The following COL14A1 variants were observed in gnomAD, a reference collection of about 807,000 sequenced individuals.
The protein encoded by COL14A1 is collagen type XIV alpha 1 chain.
In COL14A1, 136 loss-of-function variants were observed where a neutral mutation model predicts 230.3. The observed-to-expected ratio is 0.59, with a 90% CI of 0.51 to 0.68. The LOEUF is 0.68. Ranked by LOEUF, COL14A1 falls within the 30% of genes least tolerant of loss-of-function variation. COL14A1 has a pLI of 0.00. For synonymous variants in COL14A1, 792 were observed against 784.1 expected (o/e 1.01, Z -0.17); for missense variants, 1,976 against 2,215.8 (o/e 0.89, Z 2.17).
Position 120,152,086 on chromosome 8 carries a change from GA to G in COL14A1, c.88+4158del, listed in dbSNP as rs140583536. Among the ~76,000 whole-genome samples the G allele has an allele frequency of 4.0e-3, 610 of 152,172 alleles. 3 individuals carry two copies. Among genetic ancestry groups the G allele is most frequent in the Non-Finnish European group, 5.3e-3 (357 of 68,000 alleles). On this transcript the variant is annotated intron_variant, in intron 2 of 47. Transcript: ENST00000297848. The stretch of plus-strand genomic sequence containing the variant: ...ATTGATTTCAAACTTCTGACCCCTA[GA>G]ACTGTAAGATAGTACATGTCTGTTG...
chr8:120,341,032 A>G (rs1822276196), intron 42 of COL14A1, among the ~76,000 whole-genome samples: 1 of 152,210 alleles, frequency 6.6e-6, no homozygotes, highest in African/African-American at 2.4e-5. Flanking sequence ...AAGGACCTAC[A>G]CAGTGAAAAT....
At chr8:120,291,227 G>C (rs1344785979) in intron 34 of COL14A1, among the ~76,000 whole-genome samples, 1 of 152,052 alleles carries the variant, frequency 6.6e-6, no homozygotes, top group Admixed American at 6.6e-5. Flanking sequence ...TGGATATATA[G>C]ATGGATACTT....
At chr8:120,155,070 A>G (rs1207842250) in intron 2 of COL14A1, among the ~76,000 whole-genome samples, 1 of 152,168 alleles carries the variant, frequency 6.6e-6, no homozygotes, top group East Asian at 1.9e-4. Flanking sequence ...AAAAACCTAA[A>G]GAAAATGTGT....
chr8:120,304,117 G>T (rs745624115), intron 36 of COL14A1, among the ~76,000 whole-genome samples: 3 of 151,884 alleles, frequency 2.0e-5, no homozygotes, highest in Non-Finnish European at 4.4e-5. Flanking sequence ...GTATTTATTT[G>T]GATCTTCTTT....
chr8:120,209,515 A>T (rs1817554902), intron 11 of COL14A1, among the ~76,000 whole-genome samples: 1 of 152,176 alleles, frequency 6.6e-6, no homozygotes, highest in Non-Finnish European at 1.5e-5. Flanking sequence ...CAAAGTCCTG[A>T]ACTTGACACT....
At chr8:120,343,981 A>G (rs1822408409) in intron 44 of COL14A1, among the ~76,000 whole-genome samples, 1 of 152,202 alleles carries the variant, frequency 6.6e-6, no homozygotes, top group Non-Finnish European at 1.5e-5. Context: ...TCATGTGTAA[A>G]TATCTGATTA....
chr8:120,276,770 C>T (rs1052303659), intron 26 of COL14A1, among the ~76,000 whole-genome samples: 21 of 151,470 alleles, frequency 1.4e-4, no homozygotes, highest in Non-Finnish European at 2.5e-4. Flanking sequence ...ACCAACATGG[C>T]ACATGTATAC....
intron 22 of COL14A1, among the ~76,000 whole-genome samples, chr8:120,251,131 C>T (rs529027905): frequency 1.4e-4 from 21 of 152,216 alleles, no homozygotes; most frequent in African/African-American, 4.8e-4. Context: ...TCCATTTGGT[C>T]ATTCATTTTT....
chr8:120,224,435 G>A (rs531500661), intron 14 of COL14A1, among the ~76,000 whole-genome samples: 219 of 152,252 alleles, frequency 1.4e-3, no homozygotes, highest in Non-Finnish European at 2.7e-3. Flanking sequence ...TGTTGCTCCC[G>A]TGAAGCCCAA....
rs1480662195 is a variant in COL14A1 at position 120,208,281 on chromosome 8, C to A, written c.1241C>A (p.Ser414Tyr). 3.1e-6 allele frequency: 5 copies of A among 1,613,648 alleles called. No individual in the cohort carries two copies. In the East Asian group the frequency reaches 8.9e-5, roughly 29 times the overall value. The part of the protein sequence containing the change: ...VSSTVLKNLM[S>Y]LTEYQIAVFA... ...TCCACAGTGTTGAAAAACTTGATGT[C>A]TTTAACTGAATATCAGATAGCAGTC... The change falls in exon 11 of 48, where the codon TCT becomes TAT. Residue 414 changes from serine to tyrosine, a missense_variant. Ser to Tyr is a moderately radical substitution (Grantham distance 144). Around this residue, in one of 3 missense-constraint regions of COL14A1, gnomAD observed 1,791 missense variants for 2,019.5 expected, o/e 0.89. Transcript: ENST00000297848.
chr8:120,310,158 T>C, intron 37 of COL14A1, 96 bp downstream of exon 37: 1 of 1,283,400 alleles, frequency 7.8e-7, no homozygotes, highest in Non-Finnish European at 1.1e-6. Context: ...ATTTCACCCT[T>C]GCAATCTAAA....
Position 120,125,254 on chromosome 8 carries a change from G to C in COL14A1, c.-124G>C, listed in dbSNP as rs191550164. The C allele has an allele frequency of 1.3e-5, 2 of 152,374 alleles. No individual in the cohort carries two copies. The highest frequency in any genetic ancestry group is 4.8e-5 in the African/African-American group (2 of 41,466). The allele number at this position is 152,374 out of a possible 1,614,324, so 9.4% of individuals were successfully genotyped here. A position where few individuals can be genotyped will look rare whatever the true frequency, so the allele number is the denominator to read the frequency against. On this transcript the variant is annotated 5_prime_UTR_variant, in exon 1 of 48. Coordinates refer to ENST00000297848, the MANE Select transcript of COL14A1 (RefSeq NM_021110.4). ...CGAGGGAAGAGAGCAAGGGCGGTGC[G>C]CCGCCAAGGACCAACTAGCGGCGGA...
At chr8:120,360,685 A>C (rs575970083) in intron 45 of COL14A1, among the ~76,000 whole-genome samples, 1 of 152,292 alleles carries the variant, frequency 6.6e-6, no homozygotes, top group East Asian at 1.9e-4. Flanking sequence ...TTCACATTGC[A>C]TTATAACTAC....
At chr8:120,276,314 A>C (rs558800514) in intron 26 of COL14A1, among the ~76,000 whole-genome samples, 2 of 150,628 alleles carry the variant, frequency 1.3e-5, no homozygotes, top group African/African-American at 4.9e-5. Flanking sequence ...AGCTGTAGCT[A>C]CACAAAGGAA....
chr8:120,287,626 G>A (rs1028628362), intron 33 of COL14A1, among the ~76,000 whole-genome samples: 4 of 151,980 alleles, frequency 2.6e-5, no homozygotes, highest in African/African-American at 4.8e-5. Flanking sequence ...ATTAAAAATC[G>A]ATTTAAAATT....
intron 45 of COL14A1, 50 bp from the exon 46 acceptor site, chr8:120,367,121 A>G (rs760854251): frequency 2.3e-5 from 34 of 1,457,362 alleles, no homozygotes; most frequent in East Asian, 7.4e-5. Context: ...AACTACCAAG[A>G]TTTTCTTTTA....
chr8:120,362,746 T>G (rs2130372819), intron 45 of COL14A1, among the ~76,000 whole-genome samples: 1 of 152,218 alleles, frequency 6.6e-6, no homozygotes, highest in South Asian at 2.1e-4. Context: ...AGTTTTACTG[T>G]GAACCCAAAA....
intron 2 of COL14A1, among the ~76,000 whole-genome samples, chr8:120,156,526 T>C (rs1194440939): frequency 6.6e-6 from 1 of 152,170 alleles, no homozygotes; most frequent in Non-Finnish European, 1.5e-5. Flanking sequence ...TCATCTGGGG[T>C]CAGAGATTGT....
chr8:120,143,329 T>G (rs1224610096), intron 1 of COL14A1, among the ~76,000 whole-genome samples: 1 of 152,168 alleles, frequency 6.6e-6, no homozygotes, highest in African/African-American at 2.4e-5. Flanking sequence ...TAAAAAATAC[T>G]TGGGACTGGC....
Sources: allele counts gnomAD v4.1 joint callset (sites outside exome capture counted in the v4.1 genomes callset), GRCh38; gene constraint gnomAD v4.1.1; regional missense constraint gnomAD v4.1.1; transcripts MANE v1.5; gene names NCBI Gene and HGNC (gene_info 2026-07-23, HGNC 2026-07-21).